VPS13C: variants seen among roughly 807,000 people sequenced by gnomAD.
VPS13C encodes vacuolar protein sorting 13 homolog C.
VPS13C carries 358 observed loss-of-function variants against 456.8 expected under a neutral mutation model. The ratio of observed to expected loss-of-function variants is 0.78; its 90% confidence interval spans 0.72 to 0.86. VPS13C has a LOEUF of 0.86. VPS13C is among the 40% of genes least tolerant of loss of function. The pLI, the probability that VPS13C is intolerant of heterozygous loss-of-function variation, is 0.00. For synonymous variants in VPS13C, 1,578 were observed against 1,486.7 expected, an observed-to-expected ratio of 1.06 and a Z score of -1.41; for missense variants, 4,818 against 4,385.4, an observed-to-expected ratio of 1.10 and a Z score of -2.79.
At position 61,934,896 on chromosome 15, in the gene VPS13C, G is replaced by A. The variant is rs562736192; in HGVS notation, c.5756-565C>T. On this transcript the variant is annotated intron_variant, in intron 48 of 84. Coordinates refer to ENST00000644861, the MANE Select transcript of VPS13C (RefSeq NM_020821.3). ...CTCCCAAGTAGCTGGGACTACAGGCGCCCGCCACCACTCCCGGCTAATTTT... is the reference window on the plus strand; with the variant it reads ...CTCCCAAGTAGCTGGGACTACAGGCACCCGCCACCACTCCCGGCTAATTTT... 2.1e-3 allele frequency among the ~76,000 whole-genome samples: 325 copies of A among 152,022 alleles called. 2 individuals carry two copies. The highest frequency in any genetic ancestry group is 5.6e-3 in the South Asian group (27 of 4,800).
At chr15:61,936,934 T>C (rs941942081) in intron 47 of VPS13C, among the ~76,000 whole-genome samples, 184 bp from the exon 48 acceptor site, 3 of 152,206 alleles carry the variant, frequency 2.0e-5, no homozygotes, top group African/African-American at 7.2e-5. Context: ...CACACACACT[T>C]CTGCCTTCGC....
chr15:61,972,632 A>G lies in VPS13C; in HGVS notation c.2750T>C (p.Ile917Thr). 1 of 1,612,690 alleles carries G rather than the reference A, an allele frequency of 6.2e-7. No homozygotes were observed. The highest frequency in any genetic ancestry group is 8.5e-7 in the Non-Finnish European group (1 of 1,179,466). The change falls in exon 27 of 85, where the codon ATT becomes ACT. Residue 917 changes from isoleucine to threonine, a missense_variant. Physicochemically the swap from Ile to Thr is moderately conservative, Grantham distance 89. This residue lies in a region of VPS13C where 4,552 missense variants were observed against 4,130.6 expected (regional missense o/e 1.10). Transcript: ENST00000644861. The stretch of plus-strand genomic sequence containing the variant: ...AGACAAAAAAGCACATACTTCTTTA[A>G]TTTCAAACTTGAGTAGAAGATTGAT... ...ELINLLLKFE[I>T]KEVILEFTKQ...
chr15:62,039,159 A>C (rs1596519289), intron 3 of VPS13C, among the ~76,000 whole-genome samples: 1 of 152,302 alleles, frequency 6.6e-6, no homozygotes, highest in East Asian at 1.9e-4. Context: ...CACTAACCAC[A>C]ATAGCAAAGT....
intron 1 of VPS13C, among the ~76,000 whole-genome samples, chr15:62,047,661 A>G (rs1279619597): frequency 1.3e-5 from 2 of 152,204 alleles, no homozygotes; most frequent in Non-Finnish European, 2.9e-5. Flanking sequence ...GCACCAGTGT[A>G]AAGAGGTAAA....
chr15:61,945,911 T>C, intron 44 of VPS13C, 29 bp from the exon 45 acceptor site: 1 of 1,572,820 alleles, frequency 6.4e-7, no homozygotes, highest in Non-Finnish European at 8.6e-7. Flanking sequence ...CTGGTTATTA[T>C]ATCAAAAGAG....
Position 62,000,545 on chromosome 15 carries a change from A to C in VPS13C, c.1353+19T>G. 6.3e-7 allele frequency: 1 copy of C among 1,599,120 alleles called. No individual in the cohort carries two copies. Among genetic ancestry groups the C allele is most frequent in the Non-Finnish European group, 8.5e-7 (1 of 1,173,388 alleles). On this transcript the variant is annotated intron_variant, in intron 16 of 84. Coordinates refer to ENST00000644861, the MANE Select transcript of VPS13C (RefSeq NM_020821.3). ...ATTAACATGTTTAAAACATAAAATC[A>C]GCTAATAAAAATGATTACCTCAACT...
At chr15:62,002,311 T>C (rs1274198320) in intron 15 of VPS13C, among the ~76,000 whole-genome samples, 1 of 152,254 alleles carries the variant, frequency 6.6e-6, no homozygotes, top group Admixed American at 6.5e-5. Flanking sequence ...GCAGCATAAA[T>C]GTCTTCTTTT....
rs544019064 is a variant in VPS13C, at chr15:61,977,027, A to G, written c.2408+55T>C. 8.1e-5 allele frequency: 101 copies of G among 1,244,618 alleles called. No homozygotes were observed. In the African/African-American group the frequency reaches 1.3e-3, roughly 16 times the overall value. 77.1% of individuals were successfully genotyped at this position (1,244,618 alleles called of 1,614,324 possible). A position where few individuals can be genotyped will look rare whatever the true frequency, so the allele number is the denominator to read the frequency against. ...TTGCTTCCTTAAATTCTAGCAACTG[A>G]TGCAGACATATTTCACCTGTTGATT... On this transcript the variant is annotated intron_variant, in intron 24 of 84. Transcript: ENST00000644861.
chr15:62,060,323 A>G lies in VPS13C; in HGVS notation c.52T>C (p.Tyr18His). ...TGGGACTTGTTCAGGTTCTCCACAT[A>G]GTCCCCCAGGAAGCGGTTCAGCAAG... ...ADLLNRFLGD[Y>H]VENLNKSQLK... is the part of the protein sequence containing the mutation. Residue 18 changes from tyrosine to histidine, a missense_variant, in exon 1 of 85, where the codon TAT becomes CAT. This residue lies in a region of VPS13C where 4,552 missense variants were observed against 4,130.6 expected (regional missense o/e 1.10). Transcript: ENST00000644861. 1 of 1,607,778 alleles carries G rather than the reference A, an allele frequency of 6.2e-7. No individual in the cohort carries two copies. The highest frequency in any genetic ancestry group is 2.3e-5 in the East Asian group (1 of 44,334).
rs1205002579 is a variant in VPS13C, at chr15:61,922,502, G to A, written c.6870C>T (p.Gly2290=). 3 of 1,613,938 alleles carry A rather than the reference G, an allele frequency of 1.9e-6. No homozygotes were observed. The highest frequency in any genetic ancestry group is 2.5e-6 in the Non-Finnish European group (3 of 1,179,938). Residue 2290 remains glycine (G), a synonymous_variant, in exon 54 of 85, where the codon GGC becomes GGT. Coordinates refer to ENST00000644861, the MANE Select transcript of VPS13C (RefSeq NM_020821.3). ...ATAAAGGTACAGTTCGATGTCCAAG[G>A]CCACATTCTAAGGTAACTTGAATGG... ...VESIQVTLEC[G]LGHRTVPLLL...
At chr15:61,954,397 C>T (rs770096562) in intron 38 of VPS13C, 24 bp downstream of exon 38, 2 of 1,599,090 alleles carry the variant, frequency 1.3e-6, no homozygotes, top group Non-Finnish European at 1.7e-6. Flanking sequence ...CCTCACTTTA[C>T]AAAAACAGAT....
chr15:61,963,865 T>C lies in VPS13C; in HGVS notation c.3301A>G (p.Lys1101Glu). 1 of 1,611,964 alleles carries C rather than the reference T, an allele frequency of 6.2e-7. No individual in the cohort carries two copies. ...NAFCVIVCNEKNNIAEIKIQG... is the reference protein window; with the variant it reads ...NAFCVIVCNEENNIAEIKIQG... ...ATCTTGATTTCGGCGATATTGTTCTTTTCGTTGCAAACAATGACACAGAAA... is the reference window on the plus strand; with the variant it reads ...ATCTTGATTTCGGCGATATTGTTCTCTTCGTTGCAAACAATGACACAGAAA... Residue 1101 changes from lysine (K) to glutamate (E), a missense_variant, in exon 32 of 85, where the codon AAG (lysine) becomes GAG (glutamate). By Grantham distance (56) the Lys-to-Glu change is moderately conservative. Around this residue, in one of 3 missense-constraint regions of VPS13C, gnomAD observed 4,552 missense variants for 4,130.6 expected, o/e 1.10. Transcript: ENST00000644861.
At chr15:62,023,601 G>T (rs2047536968) in intron 7 of VPS13C, 81 bp from the exon 8 acceptor site, 2 of 1,178,398 alleles carry the variant, frequency 1.7e-6, no homozygotes, top group African/African-American at 1.6e-5. Context: ...GATAGCTAAG[G>T]TACTACTCAA....
chr15:62,002,024 G>A (rs1173192106), intron 15 of VPS13C, among the ~76,000 whole-genome samples: 3 of 152,166 alleles, frequency 2.0e-5, no homozygotes, highest in Non-Finnish European at 2.9e-5. Flanking sequence ...AGTCCTTTGG[G>A]TATATACCCA....
chr15:61,950,474 G>T, intron 40 of VPS13C, 57 bp from the exon 41 acceptor site: 1 of 1,260,448 alleles, frequency 7.9e-7, no homozygotes, highest in South Asian at 1.2e-5. Context: ...TTCATACACT[G>T]AAAATATACA....
At chr15:61,947,731 A>C (rs2140279077) in intron 42 of VPS13C, among the ~76,000 whole-genome samples, 1 of 152,322 alleles carries the variant, frequency 6.6e-6, no homozygotes, top group Admixed American at 6.5e-5. Flanking sequence ...ATGCCCAGTT[A>C]ATAAAATACA....
Position 61,867,828 on chromosome 15 carries a change from T to G in VPS13C, c.10863+831A>C, listed in dbSNP as rs1054879362. The G allele has an allele frequency of 6.5e-7, 1 of 1,535,138 alleles. No individual in the cohort carries two copies. Among genetic ancestry groups the G allele is most frequent in the African/African-American group, 1.4e-5 (1 of 71,766 alleles). The stretch of plus-strand genomic sequence containing the variant: ...GGAGGTGAGAGTTTTAAAGAAAATT[T>G]CATTAAAATTGACAATGGAATTCAC... On this transcript the variant is annotated intron_variant, in intron 81 of 84. Transcript: ENST00000644861. The surrounding 1 kb of genome is among the most constrained non-coding windows in gnomAD (Gnocchi z 5.0).
At chr15:62,021,297 T>TA (rs1164844326) in intron 8 of VPS13C, among the ~76,000 whole-genome samples, 8 of 151,668 alleles carry the variant, frequency 5.3e-5, no homozygotes, top group Non-Finnish European at 8.8e-5. Flanking sequence ...TTACACATTT[T>TA]AAAAAAAAGG....
intron 1 of VPS13C, among the ~76,000 whole-genome samples, chr15:62,056,668 G>T (rs1038462484): frequency 6.6e-6 from 1 of 152,130 alleles, no homozygotes. Context: ...GTTATCCGGA[G>T]GCCTAACCGT....
Sources: gnomAD v4.1 joint callset for allele counts (sites outside exome capture counted in the v4.1 genomes callset) on GRCh38, gnomAD v4.1.1 for gene constraint, gnomAD v4.1.1 regional missense constraint, Gnocchi (gnomAD v3.1) non-coding constraint, MANE v1.5 for transcripts, NCBI Gene and HGNC (gene_info 2026-07-23, HGNC 2026-07-21) for gene names.